Variants in TSPAN12 observed in about 807,000 individuals in gnomAD.
TSPAN12 encodes tetraspanin-12.
TSPAN12 carries 19 observed loss-of-function variants against 39.2 expected under a neutral mutation model. The ratio of observed to expected loss-of-function variants is 0.49; its 90% confidence interval spans 0.34 to 0.71. TSPAN12 has a LOEUF of 0.71. Ranked by LOEUF, TSPAN12 falls within the 30% of genes least tolerant of loss-of-function variation. TSPAN12 has a pLI of 0.01. For synonymous variants in TSPAN12, 119 were observed against 124.8 expected, an observed-to-expected ratio of 0.95 and a Z score of 0.31; for missense variants, 314 against 359.9, an observed-to-expected ratio of 0.87 and a Z score of 1.03.
intron 7 of TSPAN12, among the ~76,000 whole-genome samples, chr7:120,801,938 A>AT (rs1299387580): frequency 6.6e-6 from 1 of 152,272 alleles, no homozygotes; most frequent in South Asian, 2.1e-4. Flanking sequence ...TTGCAGTATC[A>AT]TTTTTTCCTT....
At chr7:120,855,309 T>G (rs1794850577) in intron 2 of TSPAN12, among the ~76,000 whole-genome samples, 1 of 152,208 alleles carries the variant, frequency 6.6e-6, no homozygotes. Flanking sequence ...GCACTTAATT[T>G]CCTCACTCAC....
At chr7:120,828,186 T>C (rs912015895) in intron 4 of TSPAN12, among the ~76,000 whole-genome samples, 2 of 152,152 alleles carry the variant, frequency 1.3e-5, no homozygotes, top group African/African-American at 2.4e-5. Flanking sequence ...CAAAACGTAA[T>C]TCTCCCTTAC....
intron 2 of TSPAN12, among the ~76,000 whole-genome samples, chr7:120,846,219 C>T (rs1246724380): frequency 6.6e-6 from 1 of 152,190 alleles, no homozygotes; most frequent in East Asian, 1.9e-4. Flanking sequence ...CACCTCACAC[C>T]AGGCCTCTCA....
Position 120,788,689 on chromosome 7 carries a change from G to A in TSPAN12, c.821C>T (p.Pro274Leu). Residue 274 changes from proline (P) to leucine (L), a missense_variant, in exon 8 of 8, where the codon CCC becomes CTC. Coordinates refer to ENST00000222747, the MANE Select transcript of TSPAN12 (RefSeq NM_012338.4). ...GCTTGGTTTCAACAGTTCTACTGAG[G>A]GACATGACAGGTGCTGAGAGTTGTC... ...KNDNSQHLSCPSVELLKPSLS... is the reference protein window; with the variant it reads ...KNDNSQHLSCLSVELLKPSLS... 1.2e-6 allele frequency: 2 copies of A among 1,614,116 alleles called. No individual in the cohort carries two copies. The highest frequency in any genetic ancestry group is 8.5e-7 in the Non-Finnish European group (1 of 1,180,004).
At chr7:120,815,326 C>T (rs1794058621) in intron 5 of TSPAN12, among the ~76,000 whole-genome samples, 2 of 152,158 alleles carry the variant, frequency 1.3e-5, no homozygotes, top group Admixed American at 1.3e-4. Flanking sequence ...TTTGTGTCCC[C>T]ACCCAAATCT....
chr7:120,839,593 T>C (rs949956409), intron 3 of TSPAN12, among the ~76,000 whole-genome samples: 77 of 152,284 alleles, frequency 5.1e-4, no homozygotes, highest in African/African-American at 1.7e-3. Context: ...GAGTAAAAAG[T>C]AATTTGTCCC....
At position 120,838,916 on chromosome 7, in the gene TSPAN12, AAAG is replaced by A. The variant is rs1420814010; in HGVS notation, c.150-7_150-5del. 4.3e-6 allele frequency: 7 copies of A among 1,613,834 alleles called. No homozygotes were observed. Among genetic ancestry groups the A allele is most frequent in the Admixed American group, 1.7e-5 (1 of 60,016 alleles). On this transcript the variant is annotated splice_polypyrimidine_tract_variant and splice_region_variant and intron_variant, in intron 3 of 7. Coordinates refer to ENST00000222747, the MANE Select transcript of TSPAN12 (RefSeq NM_012338.4). Reference sequence around the variant, plus strand: ...CAAAATGACTGCTTCCTCTACCCTGAAAGAAGAAAAATAATGTATTAGAAAGAA... The same window carrying A: ...CAAAATGACTGCTTCCTCTACCCTGAAAGAAAAATAATGTATTAGAAAGAA...
intron 7 of TSPAN12, among the ~76,000 whole-genome samples, chr7:120,806,003 T>C (rs1266286771): frequency 6.6e-6 from 1 of 152,150 alleles, no homozygotes; most frequent in African/African-American, 2.4e-5. Flanking sequence ...GTAAATTTCC[T>C]GGCCACATGA....
At chr7:120,838,151 A>G (rs949403391) in intron 4 of TSPAN12, among the ~76,000 whole-genome samples, 26 of 152,238 alleles carry the variant, frequency 1.7e-4, no homozygotes, top group African/African-American at 5.8e-4. Context: ...TCTTCTAAAA[A>G]TATCTATATA....
chr7:120,814,220 G>A lies in TSPAN12; in HGVS notation c.360+1509C>T, dbSNP rs753990827. ...CACCAGAAATGACTTCTATTTTACT[G>A]TTCAATTGCCAAATGACTCTCTTCG... On this transcript the variant is annotated intron_variant, in intron 5 of 7. Coordinates refer to ENST00000222747, the MANE Select transcript of TSPAN12 (RefSeq NM_012338.4). 1.8e-5 allele frequency: 8 copies of A among 456,682 alleles called. 1 individual carries two copies. The highest frequency in any genetic ancestry group is 1.2e-4 in the South Asian group (8 of 64,568). 28.3% of individuals were successfully genotyped at this position (456,682 alleles called of 1,614,324 possible). A position where few individuals can be genotyped will look rare whatever the true frequency, so the allele number is the denominator to read the frequency against.
intron 4 of TSPAN12, among the ~76,000 whole-genome samples, chr7:120,834,128 T>C (rs1794435415): frequency 6.6e-6 from 1 of 152,278 alleles, no homozygotes; most frequent in Admixed American, 6.5e-5. Flanking sequence ...AGAACAAATC[T>C]AATGAGTACG....
intron 2 of TSPAN12, among the ~76,000 whole-genome samples, chr7:120,846,913 G>C (rs1794680277): frequency 6.6e-6 from 1 of 152,164 alleles, no homozygotes; most frequent in Non-Finnish European, 1.5e-5. Flanking sequence ...GGAAAAGGAG[G>C]GTTGAAAATA....
rs555567572 is a variant in TSPAN12 at position 120,788,977 on chromosome 7, G to A, written c.613-80C>T. The A allele has an allele frequency of 2.0e-5, 29 of 1,417,262 alleles. No homozygotes were observed. The East Asian group carries it at 6.4e-4, about 31-fold the overall frequency. 87.8% of individuals were successfully genotyped at this position (1,417,262 alleles called of 1,614,324 possible). ...AATAGTTAATGAAAGCAAACAATCT[G>A]TATCAGTTAATGAAATCAGACTAAC... On this transcript the variant is annotated intron_variant, in intron 7 of 7. Transcript: ENST00000222747.
In TSPAN12 at chr7:120,807,828, AGC is replaced by A. The variant is rs1793904230; in HGVS notation, c.469-1138_469-1137del. Among the ~76,000 whole-genome samples, 5 of 152,282 alleles carry A rather than the reference AGC, an allele frequency of 3.3e-5. No individual in the cohort carries two copies. In the South Asian group the frequency reaches 1.0e-3, roughly 32 times the overall value. Reference sequence around the variant, plus strand: ...GTATTATAAATGACGAATTACTGAAAGCTATGGGTAATACTGAAATTTTGAGA... The same window carrying A: ...GTATTATAAATGACGAATTACTGAAATATGGGTAATACTGAAATTTTGAGA... On this transcript the variant is annotated intron_variant, in intron 6 of 7. Coordinates refer to ENST00000222747, the MANE Select transcript of TSPAN12 (RefSeq NM_012338.4).
At chr7:120,827,871 C>G (rs6970044) in intron 4 of TSPAN12, among the ~76,000 whole-genome samples, 3,019 of 152,270 alleles carry the variant, frequency 0.02, 103 homozygotes, top group African/African-American at 0.068. Flanking sequence ...CTGCAGCGTT[C>G]CAAAGAACTA....
intron 7 of TSPAN12, among the ~76,000 whole-genome samples, chr7:120,803,588 CA>C (rs1793814838): frequency 6.6e-6 from 1 of 152,128 alleles, no homozygotes; most frequent in East Asian, 1.9e-4. Context: ...CCAATATCAG[CA>C]TATGTTATTA....
At chr7:120,856,928 A>G in intron 1 of TSPAN12, 95 bp from the exon 2 acceptor site, 2 of 732,992 alleles carry the variant, frequency 2.7e-6, no homozygotes, top group Non-Finnish European at 4.8e-6. Flanking sequence ...AGCAGGGTCC[A>G]GAGGGTCCCG....
At chr7:120,833,752 G>C (rs1406023252) in intron 4 of TSPAN12, among the ~76,000 whole-genome samples, 2 of 152,086 alleles carry the variant, frequency 1.3e-5, no homozygotes, top group Non-Finnish European at 2.9e-5. Flanking sequence ...TTCAGCTGTT[G>C]TCAACATCAT....
chr7:120,802,050 A>C (rs533831747), intron 7 of TSPAN12, among the ~76,000 whole-genome samples: 1 of 152,154 alleles, frequency 6.6e-6, no homozygotes, highest in Non-Finnish European at 1.5e-5. Context: ...TCTTTTATTT[A>C]TGCTTCTCTT....
Sources: gnomAD v4.1 joint callset for allele counts (sites outside exome capture counted in the v4.1 genomes callset) on GRCh38, gnomAD v4.1.1 for gene constraint, MANE v1.5 for transcripts, NCBI Gene and HGNC (gene_info 2026-07-23, HGNC 2026-07-21) for gene names.